The following HS6ST1 variants were observed in gnomAD, a reference collection of about 807,000 sequenced individuals.
HS6ST1 encodes the protein heparan sulfate 6-O-sulfotransferase 1, also known as heparan-sulfate 6-O-sulfotransferase 1.
A neutral mutation model predicts 25.2 loss-of-function variants in HS6ST1; 3 were observed. That is an observed-to-expected ratio of 0.12 (90% CI 0.05 to 0.31). HS6ST1 has a LOEUF of 0.31. HS6ST1 is among the 10% of genes least tolerant of loss of function. The probability of loss-of-function intolerance (pLI) is 1.00; values close to 1 mark genes in which losing one functional copy is unlikely to be tolerated. For missense variants in HS6ST1, 310 were observed against 609.6 expected, an observed-to-expected ratio of 0.51 and a Z score of 5.18; for synonymous variants, 204 against 275.1, an observed-to-expected ratio of 0.74 and a Z score of 2.56.
At chr2:128,279,092 C>T (rs144312133) in intron 1 of HS6ST1, among the ~76,000 whole-genome samples, 76 of 152,232 alleles carry the variant, frequency 5.0e-4, no homozygotes, top group African/African-American at 1.8e-3. Flanking sequence ...CGGGGCCGGC[C>T]GCACCAGTCC....
chr2:128,269,559 G>A (rs1232425183), intron 1 of HS6ST1, among the ~76,000 whole-genome samples: 6 of 152,248 alleles, frequency 3.9e-5, no homozygotes, highest in Admixed American at 6.5e-5. Context: ...TGCCAGGCTC[G>A]CTATGACGCT....
intron 1 of HS6ST1, among the ~76,000 whole-genome samples, chr2:128,282,455 G>A (rs981523516): frequency 2.0e-5 from 3 of 152,098 alleles, no homozygotes; most frequent in Non-Finnish European, 4.4e-5. Flanking sequence ...AGCCCCCACC[G>A]GCCCGCGGCA....
chr2:128,299,576 AG>A (rs1197788341), intron 1 of HS6ST1, among the ~76,000 whole-genome samples: 1 of 152,192 alleles, frequency 6.6e-6, no homozygotes, highest in Non-Finnish European at 1.5e-5. Context: ...GTGGTGGATG[AG>A]GAAACTGAAG....
In HS6ST1 at chr2:128,309,330, C is replaced by T. The variant is rs1308051598; in HGVS notation, c.527+8707G>A. Among the ~76,000 whole-genome samples, 3 of 152,250 alleles carry T rather than the reference C, an allele frequency of 2.0e-5. No individual in the cohort carries two copies. The East Asian group carries it at 5.8e-4, about 29-fold the overall frequency. On this transcript the variant is annotated intron_variant, in intron 1 of 1. Transcript: ENST00000259241. The stretch of plus-strand genomic sequence containing the variant: ...TGAGGTTGAATGTTCCCAACTTCTC[C>T]AGGCAGGAATGGGGCCAGAGCTAGA...
intron 1 of HS6ST1, among the ~76,000 whole-genome samples, chr2:128,297,992 C>CAA (rs1245441371): frequency 6.6e-6 from 1 of 151,998 alleles, no homozygotes; most frequent in Non-Finnish European, 1.5e-5. Context: ...TATAACTTAA[C>CAA]AACCCAATTA....
chr2:128,277,350 C>T (rs997411333), intron 1 of HS6ST1, among the ~76,000 whole-genome samples: 1 of 152,236 alleles, frequency 6.6e-6, no homozygotes, highest in South Asian at 2.1e-4. Context: ...GACACCTATA[C>T]GTGCCATGTA....
rs865882436 is a variant in HS6ST1 at position 128,287,556 on chromosome 2, G to C, written c.528-18686C>G. ...GTCCTAGAAGTCACCCCCAGGGTAG[G>C]GGCCACAAGAGGAGGTGCTGACAAT... On this transcript the variant is annotated intron_variant, in intron 1 of 1. Coordinates refer to ENST00000259241, the MANE Select transcript of HS6ST1 (RefSeq NM_004807.3). 2.0e-5 allele frequency among the ~76,000 whole-genome samples: 3 copies of C among 152,188 alleles called. No homozygotes were observed. The East Asian group carries it at 5.8e-4, about 29-fold the overall frequency.
chr2:128,280,601 G>A (rs1235216186), intron 1 of HS6ST1, among the ~76,000 whole-genome samples: 4 of 152,228 alleles, frequency 2.6e-5, no homozygotes, highest in African/African-American at 9.6e-5. Flanking sequence ...CTGAGCTGGC[G>A]GCAGCAGGCT....
chr2:128,286,825 C>A (rs1249638001), intron 1 of HS6ST1, among the ~76,000 whole-genome samples: 1 of 152,220 alleles, frequency 6.6e-6, no homozygotes, highest in Non-Finnish European at 1.5e-5. Flanking sequence ...AGGCTGCTGG[C>A]CACGATACGC....
In HS6ST1 at chr2:128,270,703, C is replaced by T. The variant is rs143682786; in HGVS notation, c.528-1833G>A. ...CAGGGGAGGCATAGGGCCGCATGGA[C>T]CTCCGCTCCCCACTCCTGTGGGGCC... is the stretch of plus-strand genomic sequence containing the variant. On this transcript the variant is annotated intron_variant, in intron 1 of 1. Coordinates refer to ENST00000259241, the MANE Select transcript of HS6ST1 (RefSeq NM_004807.3). 3.5e-3 allele frequency among the ~76,000 whole-genome samples: 527 copies of T among 152,306 alleles called. 3 individuals are homozygous for T. The highest frequency in any genetic ancestry group is 0.011 in the African/African-American group (477 of 41,546).
At chr2:128,280,880 G>A (rs1693775838) in intron 1 of HS6ST1, among the ~76,000 whole-genome samples, 1 of 152,008 alleles carries the variant, frequency 6.6e-6, no homozygotes, top group Admixed American at 6.5e-5. Flanking sequence ...ACACACACAG[G>A]GCAGGCAGAG....
rs544586432 is a variant in HS6ST1 at position 128,293,168 on chromosome 2, C to T, written c.528-24298G>A. Among the ~76,000 whole-genome samples, 33 of 152,348 alleles carry T rather than the reference C, an allele frequency of 2.2e-4. No homozygotes were observed. The South Asian group carries it at 6.4e-3, about 30-fold the overall frequency. On this transcript the variant is annotated intron_variant, in intron 1 of 1. Transcript: ENST00000259241. ...GGCCCAAACCAGCCAGGCACTCCAGCGTCCCACCCGCACACCCTGTCTCCT... is the reference window on the plus strand; with the variant it reads ...GGCCCAAACCAGCCAGGCACTCCAGTGTCCCACCCGCACACCCTGTCTCCT...
At chr2:128,315,154 C>T (rs939717226) in intron 1 of HS6ST1, among the ~76,000 whole-genome samples, 6 of 152,222 alleles carry the variant, frequency 3.9e-5, no homozygotes, top group African/African-American at 1.4e-4. Context: ...AGGCAGCCCC[C>T]ATGGTGAACA....
chr2:128,310,951 C>T (rs949720086), intron 1 of HS6ST1, among the ~76,000 whole-genome samples: 1 of 152,072 alleles, frequency 6.6e-6, no homozygotes, highest in Non-Finnish European at 1.5e-5. Flanking sequence ...GGCGGGGTCT[C>T]GCATGATGTG....
At chr2:128,315,177 G>GGC (rs1694343615) in intron 1 of HS6ST1, among the ~76,000 whole-genome samples, 1 of 152,212 alleles carries the variant, frequency 6.6e-6, no homozygotes, top group African/African-American at 2.4e-5. Flanking sequence ...GGACTAAACA[G>GGC]GGACCCGCCA....
At chr2:128,304,276 C>A (rs1694175192) in intron 1 of HS6ST1, among the ~76,000 whole-genome samples, 1 of 152,200 alleles carries the variant, frequency 6.6e-6, no homozygotes, top group African/African-American at 2.4e-5. Context: ...CCTCCCCGAC[C>A]CCTACGCTGG....
Position 128,268,040 on chromosome 2 carries a change from G to A in HS6ST1, c.*122C>T, listed in dbSNP as rs558043029. 15 of 709,290 alleles carry A rather than the reference G, an allele frequency of 2.1e-5. No individual in the cohort carries two copies. The highest frequency in any genetic ancestry group is 5.3e-5 in the African/African-American group (3 of 56,218). 43.9% of individuals were successfully genotyped at this position (709,290 alleles called of 1,614,324 possible). ...TCCCTGCTCTGTTTTTTTTCAGGAC[G>A]CAGCTACCTCTGTGGAGCAGGTTTG... On this transcript the variant is annotated 3_prime_UTR_variant, in exon 2 of 2. Coordinates refer to ENST00000259241, the MANE Select transcript of HS6ST1 (RefSeq NM_004807.3).
At chr2:128,281,264 G>A (rs1186507939) in intron 1 of HS6ST1, among the ~76,000 whole-genome samples, 1 of 152,228 alleles carries the variant, frequency 6.6e-6, no homozygotes, top group Admixed American at 6.5e-5. Context: ...GGCATGGGGG[G>A]TGGGGGTGCC....
At chr2:128,284,504 C>CTTT (rs71396519) in intron 1 of HS6ST1, among the ~76,000 whole-genome samples, 1 of 94,888 alleles carries the variant, frequency 1.1e-5, no homozygotes, top group Non-Finnish European at 2.1e-5. Context: ...CATCGTCCCT[C>CTTT]TTTTTTTTTT....
Sources: gnomAD v4.1 joint callset for allele counts (sites outside exome capture counted in the v4.1 genomes callset) on GRCh38, gnomAD v4.1.1 for gene constraint, MANE v1.5 for transcripts, NCBI Gene and HGNC (gene_info 2026-07-23, HGNC 2026-07-21) for gene names.